Variants in SNTB1 observed in about 807,000 individuals in gnomAD.
SNTB1 encodes syntrophin beta 1, also known as beta-1-syntrophin.
SNTB1 carries 36 observed loss-of-function variants against 48.9 expected under a neutral mutation model. That is an observed-to-expected ratio of 0.74 (90% CI 0.56 to 0.97). The LOEUF is 0.97. Among genes scored for constraint, SNTB1 ranks in the 50% least tolerant of loss-of-function variants. The pLI is 0.00. For synonymous variants in SNTB1, 299 were observed against 294.6 expected (o/e 1.01, Z -0.15); for missense variants, 786 against 703.4 (o/e 1.12, Z -1.33).
At chr8:120,616,329 T>C (rs2130736602) in intron 3 of SNTB1, among the ~76,000 whole-genome samples, 1 of 146,528 alleles carries the variant, frequency 6.8e-6, no homozygotes, top group African/African-American at 2.5e-5. Context: ...AGACAGTGTC[T>C]CACTCTTTCA....
At chr8:120,613,654 A>G (rs1233309907) in intron 3 of SNTB1, among the ~76,000 whole-genome samples, 1 of 152,240 alleles carries the variant, frequency 6.6e-6, no homozygotes, top group Non-Finnish European at 1.5e-5. Flanking sequence ...TGACATTTAT[A>G]CAGGAAAAAG....
At chr8:120,743,482 A>G (rs1165122866) in intron 1 of SNTB1, among the ~76,000 whole-genome samples, 2 of 152,244 alleles carry the variant, frequency 1.3e-5, no homozygotes, top group Non-Finnish European at 2.9e-5. Flanking sequence ...GGAAAGTTGC[A>G]TAAGGGGTCA....
chr8:120,740,874 T>C, intron 1 of SNTB1, among the ~76,000 whole-genome samples: 1 of 152,172 alleles, frequency 6.6e-6, no homozygotes, highest in East Asian at 1.9e-4. Context: ...TTTTTAATCT[T>C]CTCAACAGCA....
intron 2 of SNTB1, among the ~76,000 whole-genome samples, chr8:120,652,701 T>C (rs1346888863): frequency 6.6e-6 from 1 of 152,178 alleles, no homozygotes; most frequent in East Asian, 1.9e-4. Context: ...ATGATGATAA[T>C]GAAGGTGATA....
chr8:120,756,793 C>T (rs1477674931), intron 1 of SNTB1, among the ~76,000 whole-genome samples: 1 of 152,058 alleles, frequency 6.6e-6, no homozygotes, highest in African/African-American at 2.4e-5. Flanking sequence ...AGGTAGAAAA[C>T]AAGAGAAAAG....
chr8:120,749,633 G>A (rs1046662556), intron 1 of SNTB1, among the ~76,000 whole-genome samples: 1 of 152,034 alleles, frequency 6.6e-6, no homozygotes. Flanking sequence ...AAAGTCTTAT[G>A]AACAACTGTT....
At chr8:120,705,903 T>C (rs1818370738) in intron 1 of SNTB1, among the ~76,000 whole-genome samples, 1 of 152,158 alleles carries the variant, frequency 6.6e-6, no homozygotes, top group Admixed American at 6.5e-5. Flanking sequence ...GGCAATACAA[T>C]GTAGTGGTTT....
At chr8:120,675,625 G>A (rs1817821436) in intron 2 of SNTB1, among the ~76,000 whole-genome samples, 1 of 152,180 alleles carries the variant, frequency 6.6e-6, no homozygotes, top group Non-Finnish European at 1.5e-5. Flanking sequence ...TATTTCATTA[G>A]CCAAAATTAG....
chr8:120,803,554 T>C (rs567381874), intron 1 of SNTB1, among the ~76,000 whole-genome samples: 1 of 152,294 alleles, frequency 6.6e-6, no homozygotes, highest in South Asian at 2.1e-4. Flanking sequence ...TACCACAGAA[T>C]AATTTTCCTT....
chr8:120,635,496 G>T (rs893022125), intron 2 of SNTB1: 1 of 152,832 alleles, frequency 6.5e-6, no homozygotes, highest in East Asian at 1.9e-4. Flanking sequence ...TTTGACAAAG[G>T]TAACTTTATT....
At chr8:120,802,724 A>T (rs1204499185) in intron 1 of SNTB1, among the ~76,000 whole-genome samples, 1 of 152,176 alleles carries the variant, frequency 6.6e-6, no homozygotes, top group African/African-American at 2.4e-5. Context: ...GGAAGTAATT[A>T]TTGGGAAATA....
intron 3 of SNTB1, among the ~76,000 whole-genome samples, chr8:120,599,753 A>T (rs1029537576): frequency 1.2e-4 from 18 of 152,206 alleles, no homozygotes; most frequent in African/African-American, 2.4e-4. Context: ...CTGTTTTTTT[A>T]AAATGATAGA....
At chr8:120,659,680 G>A (rs1817558590) in intron 2 of SNTB1, among the ~76,000 whole-genome samples, 2 of 152,174 alleles carry the variant, frequency 1.3e-5, no homozygotes, top group South Asian at 4.1e-4. Flanking sequence ...ATCTATGGCA[G>A]CTATAGCCTT....
At chr8:120,617,048 C>T (rs1816725654) in intron 3 of SNTB1, among the ~76,000 whole-genome samples, 1 of 152,198 alleles carries the variant, frequency 6.6e-6, no homozygotes. Context: ...TGGCCCGGGA[C>T]AGCTTTGAAT....
rs1180589892 is a variant in SNTB1 at position 120,712,650 on chromosome 8, G to A, written c.572-18742C>T. Among the ~76,000 whole-genome samples, 10 of 152,022 alleles carry A rather than the reference G, an allele frequency of 6.6e-5. No homozygotes were observed. The East Asian group carries it at 1.9e-3, about 29-fold the overall frequency. ...ACATTGTAAGCCACTGTAATAACAT[G>A]GTAAACTTATTAATACCACAGGGGC... On this transcript the variant is annotated intron_variant, in intron 1 of 6. Coordinates refer to ENST00000517992, the MANE Select transcript of SNTB1 (RefSeq NM_021021.4).
chr8:120,749,994 G>A (rs1563589185), intron 1 of SNTB1, among the ~76,000 whole-genome samples: 2 of 152,138 alleles, frequency 1.3e-5, no homozygotes, highest in Non-Finnish European at 1.5e-5. Flanking sequence ...ATTTCCACCT[G>A]CAAATTTTTA....
intron 2 of SNTB1, among the ~76,000 whole-genome samples, chr8:120,671,862 AG>A (rs1311649038): frequency 6.6e-6 from 1 of 152,202 alleles, no homozygotes; most frequent in Non-Finnish European, 1.5e-5. Flanking sequence ...ACTTAAAGAT[AG>A]ACTTATTTTT....
At chr8:120,572,740 G>T (rs376466455) in intron 4 of SNTB1, among the ~76,000 whole-genome samples, 2 of 108,428 alleles carry the variant, frequency 1.8e-5, no homozygotes, top group East Asian at 4.7e-4. Flanking sequence ...AAAACAAAAC[G>T]AACAAAACAA....
intron 1 of SNTB1, among the ~76,000 whole-genome samples, chr8:120,696,811 T>C (rs1425979248): frequency 6.6e-6 from 1 of 152,198 alleles, no homozygotes; most frequent in African/African-American, 2.4e-5. Flanking sequence ...TAGCTAGAAT[T>C]TGATTTCCCA....
Sources: gnomAD v4.1 joint callset for allele counts (sites outside exome capture counted in the v4.1 genomes callset) on GRCh38, gnomAD v4.1.1 for gene constraint, MANE v1.5 for transcripts, NCBI Gene and HGNC (gene_info 2026-07-23, HGNC 2026-07-21) for gene names.